Variants in CMIP observed in about 807,000 individuals in gnomAD.
CMIP encodes the protein C-Maf-inducing protein.
In CMIP, 13 loss-of-function variants were observed where a neutral mutation model predicts 97.3. The ratio of observed to expected loss-of-function variants is 0.13; its 90% CI spans 0.09 to 0.21. The LOEUF is 0.21. Among genes scored for constraint, CMIP ranks in the 10% least tolerant of loss-of-function variants. CMIP has a pLI of 1.00. For missense variants in CMIP, 847 were observed against 1,024.9 expected, an observed-to-expected ratio of 0.83 and a Z score of 2.37; for synonymous variants, 538 against 436.3, an observed-to-expected ratio of 1.23 and a Z score of -2.91.
intron 1 of CMIP, among the ~76,000 whole-genome samples, chr16:81,573,996 G>A (rs1167049940): frequency 6.6e-6 from 1 of 152,138 alleles, no homozygotes; most frequent in South Asian, 2.1e-4. Context: ...GACCCCTGGA[G>A]CCTTTACCTG....
intron 1 of CMIP, among the ~76,000 whole-genome samples, chr16:81,593,676 G>A (rs2091500916): frequency 6.6e-6 from 1 of 152,172 alleles, no homozygotes; most frequent in Non-Finnish European, 1.5e-5. Flanking sequence ...GGCGCGTCTG[G>A]GCATTGAGCT....
rs1041873428 is a variant in CMIP at position 81,655,451 on chromosome 16, GCGT to G, written c.640-2323_640-2321del. On this transcript the variant is annotated intron_variant, in intron 4 of 20. Coordinates refer to ENST00000537098, the MANE Select transcript of CMIP (RefSeq NM_198390.3). The surrounding 1 kb of genome is among the most constrained non-coding windows in gnomAD (Gnocchi z 4.9). ...CACCCTCCCAGGCCTTTGTTGAGTT[GCGT>G]GTAAAGTGGCCGCTTAGCTCGAGAG... Among the ~76,000 whole-genome samples the G allele has an allele frequency of 5.3e-5, 8 of 152,342 alleles. No homozygotes were observed. The East Asian group carries it at 1.5e-3, about 29-fold the overall frequency.
chr16:81,706,955 C>A, intron 19 of CMIP, 59 bp from the exon 20 acceptor site: 1 of 1,494,752 alleles, frequency 6.7e-7, no homozygotes, highest in Non-Finnish European at 9.3e-7. Context: ...TTGGCCATCC[C>A]ATACCTTCAT....
chr16:81,645,435 T>C, intron 3 of CMIP: 1 of 1,507,968 alleles, frequency 6.6e-7, no homozygotes, highest in South Asian at 1.2e-5. Context: ...GCGACGTGCT[T>C]CCAGTGCATT....
intron 3 of CMIP, among the ~76,000 whole-genome samples, chr16:81,633,392 G>A (rs1036579457): frequency 3.3e-5 from 5 of 152,182 alleles, no homozygotes; most frequent in Admixed American, 6.5e-5. Flanking sequence ...CTGTTGGCTC[G>A]GAGATGAGGC....
intron 7 of CMIP, chr16:81,666,116 C>T (rs1300276321): frequency 6.6e-6 from 1 of 152,198 alleles, no homozygotes; most frequent in Non-Finnish European, 1.5e-5. Context: ...AATTTGGGCG[C>T]TCATAGTTTC....
intron 1 of CMIP, among the ~76,000 whole-genome samples, chr16:81,578,421 T>G (rs2091239075): frequency 6.6e-6 from 1 of 152,222 alleles, no homozygotes; most frequent in Admixed American, 6.5e-5. Context: ...CTGAGCTATG[T>G]GAGTGCTGGG....
At chr16:81,455,738 G>C (rs2150733112) in intron 1 of CMIP, among the ~76,000 whole-genome samples, 1 of 152,324 alleles carries the variant, frequency 6.6e-6, no homozygotes. Flanking sequence ...GCTCAGCCTG[G>C]TGAGCTCCTG....
intron 16 of CMIP, among the ~76,000 whole-genome samples, chr16:81,702,304 C>G (rs1356358712): frequency 6.6e-6 from 1 of 152,112 alleles, no homozygotes; most frequent in Non-Finnish European, 1.5e-5. Context: ...GGCTTCTCCA[C>G]CATTTCTTAG....
rs2089476187 is a variant in CMIP, at chr16:81,495,612, A to G, written c.300+50071A>G. 3 of 1,070,586 alleles carry G rather than the reference A, an allele frequency of 2.8e-6. No homozygotes were observed. In the East Asian group the frequency reaches 7.8e-5, roughly 28 times the overall value. 66.3% of individuals were successfully genotyped at this position (1,070,586 alleles called of 1,614,324 possible). A position where few individuals can be genotyped will look rare whatever the true frequency, so the allele number is the denominator to read the frequency against. ...CAGACCCACTTCTCAGAGGGTGGGC[A>G]GGTGTGTCTGCTAATCTGAGAGACC... On this transcript the variant is annotated intron_variant, in intron 1 of 20. Coordinates refer to ENST00000537098, the MANE Select transcript of CMIP (RefSeq NM_198390.3).
intron 1 of CMIP, among the ~76,000 whole-genome samples, chr16:81,475,415 G>T (rs1442683977): frequency 6.6e-6 from 1 of 152,076 alleles, no homozygotes; most frequent in Non-Finnish European, 1.5e-5. Context: ...CCCCGACTTT[G>T]ATGTTTATTC....
At chr16:81,548,749 G>C (rs1280158479) in intron 1 of CMIP, among the ~76,000 whole-genome samples, 1 of 152,098 alleles carries the variant, frequency 6.6e-6, no homozygotes, top group Non-Finnish European at 1.5e-5. Context: ...GGGAGGCTGA[G>C]GCAGGAGGAT....
chr16:81,621,991 G>C lies in CMIP; in HGVS notation c.477+1065G>C, dbSNP rs988733122. ...CTGAGCTGAGTCTCCACGTTGGGTT[G>C]CAAAGGGGAAGAGAACTAGTGTTTA... is the stretch of plus-strand genomic sequence containing the variant. On this transcript the variant is annotated intron_variant, in intron 3 of 20. Transcript: ENST00000537098. This position sits in a 1 kb window ranked among gnomAD's most constrained non-coding sequence, Gnocchi z 4.1. 1.3e-5 allele frequency: 2 copies of C among 152,284 alleles called. No individual in the cohort carries two copies. The highest frequency in any genetic ancestry group is 1.3e-4 in the Admixed American group (2 of 15,286). The allele number at this position is 152,284 out of a possible 1,614,324, so 9.4% of individuals were successfully genotyped here. A position where few individuals can be genotyped will look rare whatever the true frequency, so the allele number is the denominator to read the frequency against.
intron 1 of CMIP, chr16:81,519,987 C>G (rs910530386): frequency 2.0e-4 from 31 of 152,368 alleles, no homozygotes; most frequent in African/African-American, 7.5e-4. Context: ...GGGGCTGTTC[C>G]CTAAAGCTGT....
At chr16:81,503,164 A>G (rs1328882779) in intron 1 of CMIP, among the ~76,000 whole-genome samples, 4 of 152,176 alleles carry the variant, frequency 2.6e-5, no homozygotes, top group Admixed American at 6.5e-5. Context: ...TACTGTCCCA[A>G]TTATACTGAA....
chr16:81,452,363 G>A (rs1445803633), intron 1 of CMIP, among the ~76,000 whole-genome samples: 1 of 152,194 alleles, frequency 6.6e-6, no homozygotes, highest in African/African-American at 2.4e-5. Context: ...TAAATGAGGT[G>A]AGGCCTGGCG....
At position 81,621,234 on chromosome 16, in the gene CMIP, CGGGGA is replaced by C; in HGVS notation, c.477+311_477+315del. 4.2e-6 allele frequency: 1 copy of C among 236,330 alleles called. No individual in the cohort carries two copies. Among genetic ancestry groups the C allele is most frequent in the South Asian group, 1.0e-4 (1 of 9,896 alleles). 14.6% of individuals were successfully genotyped at this position (236,330 alleles called of 1,614,324 possible). Reference sequence around the variant, plus strand: ...AGGGCGACCCTGAGGGGAGTCCAGCCGGGGAGGCTGGACTTCAGGGGCTCAAGATG... The same window carrying C: ...AGGGCGACCCTGAGGGGAGTCCAGCCGGCTGGACTTCAGGGGCTCAAGATG... On this transcript the variant is annotated intron_variant, in intron 3 of 20. Transcript: ENST00000537098. This position sits in a 1 kb window ranked among gnomAD's most constrained non-coding sequence, Gnocchi z 4.1.
At chr16:81,668,466 A>G (rs1269799173) in intron 7 of CMIP, among the ~76,000 whole-genome samples, 1 of 152,182 alleles carries the variant, frequency 6.6e-6, no homozygotes, top group Non-Finnish European at 1.5e-5. Context: ...GCCTCCTGGC[A>G]GAGCTCTCTG....
chr16:81,515,373 G>A (rs932572830), intron 1 of CMIP, among the ~76,000 whole-genome samples: 2 of 152,196 alleles, frequency 1.3e-5, no homozygotes, highest in African/African-American at 4.8e-5. Flanking sequence ...AAAACACAAG[G>A]TCTGTGTTGG....
Sources: gnomAD v4.1 joint callset for allele counts (sites outside exome capture counted in the v4.1 genomes callset) on GRCh38, gnomAD v4.1.1 for gene constraint, Gnocchi (gnomAD v3.1) non-coding constraint, MANE v1.5 for transcripts, NCBI Gene and HGNC (gene_info 2026-07-23, HGNC 2026-07-21) for gene names.